The following PDE12 variants were observed in gnomAD, a reference collection of about 807,000 sequenced individuals.
PDE12 encodes 2',5'-phosphodiesterase 12.
PDE12 carries 26 observed loss-of-function variants against 45.4 expected under a neutral mutation model. That is an observed-to-expected ratio of 0.57 (90% CI 0.42 to 0.79). The LOEUF is 0.79. PDE12 is among the 30% of genes least tolerant of loss of function. The pLI is 0.00. For synonymous variants in PDE12, 283 were observed against 323.9 expected, an observed-to-expected ratio of 0.87 and a Z score of 1.36; for missense variants, 668 against 790.0, an observed-to-expected ratio of 0.85 and a Z score of 1.85.
chr3:57,610,243 T>C, the PDE12 span, among the ~76,000 whole-genome samples: 4 of 152,132 alleles, frequency 2.6e-5, no homozygotes, highest in African/African-American at 9.7e-5. Context: ...CTCAAAATAA[T>C]CAGAGCTATT....
rs1185967239 is a variant in PDE12, at chr3:57,566,058, A to C, written c.*6054A>C. 6.6e-6 allele frequency: 1 copy of C among 152,118 alleles called. No individual in the cohort carries two copies. The highest frequency in any genetic ancestry group is 6.5e-5 in the Admixed American group (1 of 15,272). The allele number at this position is 152,118 out of a possible 1,614,324, so 9.4% of individuals were successfully genotyped here. On this transcript the variant is annotated 3_prime_UTR_variant, in exon 3 of 3. Coordinates refer to ENST00000311180, the MANE Select transcript of PDE12 (RefSeq NM_177966.7). ...AGGCCAGCACAGTGGCTCACGTCACATAATCCCACTCTCCTTAAGAGCTTT... is the reference window on the plus strand; with the variant it reads ...AGGCCAGCACAGTGGCTCACGTCACCTAATCCCACTCTCCTTAAGAGCTTT...
chr3:57,610,173 A>G, the PDE12 span, among the ~76,000 whole-genome samples: 1 of 152,336 alleles, frequency 6.6e-6, no homozygotes, highest in South Asian at 2.1e-4. Flanking sequence ...GGCCTTTAAC[A>G]AAATTCAACA....
At chr3:57,587,927 A>G in the PDE12 span, among the ~76,000 whole-genome samples, 1 of 152,248 alleles carries the variant, frequency 6.6e-6, no homozygotes, top group East Asian at 1.9e-4. Context: ...TGAAAAAGGT[A>G]TTTATAAGCT....
the PDE12 span, among the ~76,000 whole-genome samples, chr3:57,596,131 T>C: frequency 3.3e-5 from 5 of 152,158 alleles, no homozygotes; most frequent in African/African-American, 4.8e-5. Flanking sequence ...TTCAGCCAAC[T>C]GACAGCCCTT....
the PDE12 span, among the ~76,000 whole-genome samples, chr3:57,608,837 G>A: frequency 2.6e-5 from 4 of 152,164 alleles, no homozygotes; most frequent in African/African-American, 9.6e-5. Flanking sequence ...AATGAGACAG[G>A]AAGTTAACAA....
At chr3:57,588,294 GTCAC>G in the PDE12 span, among the ~76,000 whole-genome samples, 20 of 152,348 alleles carry the variant, frequency 1.3e-4, no homozygotes, top group African/African-American at 4.8e-4. Flanking sequence ...TGGCCAGGCA[GTCAC>G]TCACACCTGT....
At chr3:57,628,095 A>C in the PDE12 span, 2 of 1,422,940 alleles carry the variant, frequency 1.4e-6, no homozygotes, top group Non-Finnish European at 1.9e-6. Flanking sequence ...CCCTGTAACT[A>C]GCATTCATGG....
chr3:57,646,391 A>C, the PDE12 span: 7 of 1,614,130 alleles, frequency 4.3e-6, no homozygotes, highest in Non-Finnish European at 5.1e-6. Context: ...CCCCAACAGC[A>C]CCAGCTCCCA....
At chr3:57,597,092 G>C in the PDE12 span, 1 of 1,614,134 alleles carries the variant, frequency 6.2e-7, no homozygotes, top group Non-Finnish European at 8.5e-7. Flanking sequence ...ATGCGCATCT[G>C]CTTCTTGCCA....
chr3:57,631,995 T>G, the PDE12 span, among the ~76,000 whole-genome samples: 1 of 146,218 alleles, frequency 6.8e-6, no homozygotes, highest in African/African-American at 2.5e-5. Context: ...GTGCTGGGAT[T>G]ACAGGCGTGA....
At chr3:57,594,596 C>T in the PDE12 span, among the ~76,000 whole-genome samples, 53 of 152,222 alleles carry the variant, frequency 3.5e-4, no homozygotes, top group African/African-American at 1.1e-3. Context: ...AGCAGGTGTA[C>T]GAATTAAATT....
At chr3:57,602,472 TGTTTGGATC>T in the PDE12 span, among the ~76,000 whole-genome samples, 1 of 152,162 alleles carries the variant, frequency 6.6e-6, no homozygotes, top group Non-Finnish European at 1.5e-5. Flanking sequence ...GAATTCTGAG[TGTTTGGATC>T]GTTTGGCCCA....
the PDE12 span, among the ~76,000 whole-genome samples, chr3:57,586,236 TCA>T: frequency 6.6e-6 from 1 of 152,194 alleles, no homozygotes; most frequent in East Asian, 1.9e-4. Flanking sequence ...GTTTATCTTA[TCA>T]CAGATTTTTG....
chr3:57,656,243 T>C, the PDE12 span, among the ~76,000 whole-genome samples: 1 of 152,224 alleles, frequency 6.6e-6, no homozygotes, highest in Admixed American at 6.5e-5. Flanking sequence ...AGTTTTATCT[T>C]TTCCAGAACA....
the PDE12 span, among the ~76,000 whole-genome samples, chr3:57,656,144 T>TC: frequency 1.1e-4 from 17 of 152,204 alleles, no homozygotes; most frequent in Admixed American, 3.9e-4. Context: ...CTAGAATAGT[T>TC]CCATCACCTC....
the PDE12 span, among the ~76,000 whole-genome samples, chr3:57,616,725 C>CA: frequency 1.3e-5 from 2 of 151,970 alleles, no homozygotes; most frequent in East Asian, 1.9e-4. Flanking sequence ...AAGACATTAC[C>CA]AAAAAAATGA....
Position 57,561,130 on chromosome 3 carries a change from A to G in PDE12, c.*1126A>G, listed in dbSNP as rs773198728. The G allele has an allele frequency of 5.1e-6, 5 of 985,186 alleles. No individual in the cohort carries two copies. Among genetic ancestry groups the G allele is most frequent in the Middle Eastern group, 5.2e-4 (1 of 1,914 alleles). The allele number at this position is 985,186 out of a possible 1,614,324, so 61.0% of individuals were successfully genotyped here. On this transcript the variant is annotated 3_prime_UTR_variant, in exon 3 of 3. Coordinates refer to ENST00000311180, the MANE Select transcript of PDE12 (RefSeq NM_177966.7). ...GTAGCAACATATTCAACTTGATCCCATTGTCTTCAGTTACTCTTGCCCATG... is the reference window on the plus strand; with the variant it reads ...GTAGCAACATATTCAACTTGATCCCGTTGTCTTCAGTTACTCTTGCCCATG...
At chr3:57,600,942 TA>T in the PDE12 span, 1 of 152,274 alleles carries the variant, frequency 6.6e-6, no homozygotes, top group Admixed American at 6.5e-5. Context: ...TTCTTATTTT[TA>T]AAAATGAGGA....
At chr3:57,597,034 C>A in the PDE12 span, 1 of 1,604,890 alleles carries the variant, frequency 6.2e-7, no homozygotes, top group Non-Finnish European at 8.5e-7. Flanking sequence ...GGAGACCCTG[C>A]CTTTCCCAGG....
Sources: gnomAD v4.1 joint callset for allele counts (sites outside exome capture counted in the v4.1 genomes callset) on GRCh38, gnomAD v4.1.1 for gene constraint, MANE v1.5 for transcripts, NCBI Gene and HGNC (gene_info 2026-07-23, HGNC 2026-07-21) for gene names.